ARHGAP32: variants seen among roughly 807,000 people sequenced by gnomAD.
The protein encoded by ARHGAP32 is Rho GTPase activating protein 32.
A neutral mutation model predicts 186.5 loss-of-function variants in ARHGAP32; 51 were observed. That is an observed-to-expected ratio of 0.27 (90% CI 0.22 to 0.35). The LOEUF is 0.35. ARHGAP32 is among the 10% of genes least tolerant of loss of function. The pLI, the probability that ARHGAP32 is intolerant of heterozygous loss-of-function variation, is 1.00. For missense variants in ARHGAP32, 2,186 were observed against 2,623.5 expected, an observed-to-expected ratio of 0.83 and a Z score of 3.64; for synonymous variants, 950 against 964.3, an observed-to-expected ratio of 0.99 and a Z score of 0.27.
At chr11:129,071,815 G>A (rs7949457) in intron 6 of ARHGAP32, among the ~76,000 whole-genome samples, 41,190 of 152,056 alleles carry the variant, frequency 0.27, 6,082 homozygotes, top group Middle Eastern at 0.4. Flanking sequence ...ATCAACTTAA[G>A]TGTCCATCAC....
intron 1 of ARHGAP32, among the ~76,000 whole-genome samples, chr11:129,252,451 C>T (rs1945198026): frequency 1.3e-5 from 2 of 152,192 alleles, no homozygotes; most frequent in Admixed American, 6.5e-5. Flanking sequence ...AAGATATTTA[C>T]TGAACTGGGC....
chr11:129,193,883 G>T (rs965548968), upstream of ARHGAP32, among the ~76,000 whole-genome samples: 5 of 147,710 alleles, frequency 3.4e-5, no homozygotes, highest in South Asian at 2.1e-4. Context: ...ATCACAAAGG[G>T]TTAATTTATT....
In ARHGAP32 at chr11:129,124,796, T is replaced by C; in HGVS notation, c.317+7A>G. 6.3e-7 allele frequency: 1 copy of C among 1,581,552 alleles called. No homozygotes were observed. Among genetic ancestry groups the C allele is most frequent in the Non-Finnish European group, 8.6e-7 (1 of 1,159,462 alleles). On this transcript the variant is annotated splice_region_variant and intron_variant, in intron 3 of 22. Transcript: ENST00000682385. ...TCATTTAGAATCCACTGTAAAGTTA[T>C]ACTCACTTTTTCACATGCTTAACCT...
At chr11:129,002,431 A>G (rs973086110) in intron 11 of ARHGAP32, among the ~76,000 whole-genome samples, 5 of 152,064 alleles carry the variant, frequency 3.3e-5, no homozygotes, top group African/African-American at 1.2e-4. Context: ...TGATTTTTTC[A>G]TGTTAATTTT....
chr11:129,012,905 G>A (rs1480898892), intron 11 of ARHGAP32, among the ~76,000 whole-genome samples: 1 of 152,112 alleles, frequency 6.6e-6, no homozygotes. Flanking sequence ...ACAATTCAGT[G>A]GTAAGTCAAC....
Position 129,188,037 on chromosome 11 carries a change from T to A in ARHGAP32, c.116+4046A>T, listed in dbSNP as rs557856764. 3.0e-3 allele frequency among the ~76,000 whole-genome samples: 455 copies of A among 152,116 alleles called. 8 individuals carry two copies. The highest frequency in any genetic ancestry group is 0.011 in the African/African-American group (436 of 41,506). On this transcript the variant is annotated intron_variant, in intron 1 of 22. Coordinates refer to ENST00000682385, the MANE Select transcript of ARHGAP32 (RefSeq NM_001378024.1). ...GTGCCGTAATCTCAGCTCACTGCAA[T>A]CTCTACCTCCCAGGTTCAAGCAATT...
chr11:129,239,445 G>C (rs1444698296), intron 1 of ARHGAP32, among the ~76,000 whole-genome samples: 1 of 152,126 alleles, frequency 6.6e-6, no homozygotes, highest in Non-Finnish European at 1.5e-5. Flanking sequence ...CAGAATGACA[G>C]AGCCAGGAGC....
At chr11:129,027,939 C>A (rs1478546017) in intron 11 of ARHGAP32, among the ~76,000 whole-genome samples, 1 of 152,116 alleles carries the variant, frequency 6.6e-6, no homozygotes, top group African/African-American at 2.4e-5. Flanking sequence ...GAATGAATAT[C>A]GGAAATGGCC....
chr11:129,039,292 T>C (rs906700222), intron 11 of ARHGAP32, among the ~76,000 whole-genome samples: 1 of 152,176 alleles, frequency 6.6e-6, no homozygotes, highest in Admixed American at 6.5e-5. Context: ...TACATGAATA[T>C]TCAGAGAAGC....
chr11:129,188,815 A>T (rs1297066642), intron 1 of ARHGAP32, among the ~76,000 whole-genome samples: 2 of 152,232 alleles, frequency 1.3e-5, no homozygotes, highest in African/African-American at 4.8e-5. Flanking sequence ...CGATCTGGGC[A>T]TCTACAGATC....
intron 1 of ARHGAP32, among the ~76,000 whole-genome samples, chr11:129,173,847 T>C (rs688576): frequency 0.068 from 10,302 of 152,110 alleles, 410 homozygotes; most frequent in Middle Eastern, 0.078. Context: ...AAATCAAGAA[T>C]GTTGTCTTCT....
At chr11:129,111,383 G>A (rs867977949) in intron 5 of ARHGAP32, among the ~76,000 whole-genome samples, 3 of 151,992 alleles carry the variant, frequency 2.0e-5, no homozygotes, top group Admixed American at 6.6e-5. Context: ...TGTAGTTTTC[G>A]GATTTTGGTG....
chr11:129,163,403 C>T (rs184302547), intron 2 of ARHGAP32, among the ~76,000 whole-genome samples: 256 of 152,182 alleles, frequency 1.7e-3, no homozygotes, highest in Non-Finnish European at 1.4e-3. Context: ...AAATGTATTA[C>T]GTGAAAAACT....
At chr11:129,240,826 T>G (rs906305418) in intron 1 of ARHGAP32, among the ~76,000 whole-genome samples, 1 of 152,120 alleles carries the variant, frequency 6.6e-6, no homozygotes, top group Non-Finnish European at 1.5e-5. Flanking sequence ...TTGAAAAAAA[T>G]TTTGAGTCTG....
intron 5 of ARHGAP32, among the ~76,000 whole-genome samples, chr11:129,108,912 G>A (rs139919233): frequency 1.4e-4 from 21 of 152,202 alleles, no homozygotes; most frequent in African/African-American, 2.9e-4. Context: ...CCATTTTTAT[G>A]TACTGGAAAC....
chr11:128,969,383 A>G lies in ARHGAP32; in HGVS notation c.5830T>C (p.Ser1944Pro), dbSNP rs1421094096. ...TTCAGTCTTAAAGATTCTTGCCCGG[A>G]TGCAGCATATTTTACTCCAGAGTTG... ...YHNSGVKYAA[S>P]GQESLRLNHK... Residue 1944 changes from serine to proline, a missense_variant, in exon 23 of 23, where the codon TCC (serine) becomes CCC (proline). By Grantham distance (74) the Ser-to-Pro change is moderately conservative (BLOSUM62 -1). This residue lies in a region of ARHGAP32 where 1,502 missense variants were observed against 1,570.0 expected (regional missense o/e 0.96). Transcript: ENST00000682385. This position sits in a 1 kb window ranked among gnomAD's most constrained non-coding sequence, Gnocchi z 4.8. 6.2e-7 allele frequency: 1 copy of G among 1,614,164 alleles called. No individual in the cohort carries two copies. Among genetic ancestry groups the G allele is most frequent in the South Asian group, 1.1e-5 (1 of 91,082 alleles).
chr11:129,205,547 G>C (rs1003345452), intron 1 of ARHGAP32, among the ~76,000 whole-genome samples: 6 of 152,026 alleles, frequency 3.9e-5, no homozygotes, highest in African/African-American at 1.4e-4. Flanking sequence ...ATGTGAACTT[G>C]CACAAGTCAC....
chr11:129,123,586 G>T lies in ARHGAP32; in HGVS notation c.360-56C>A. On this transcript the variant is annotated intron_variant, in intron 4 of 22. Transcript: ENST00000682385. The surrounding 1 kb of genome is among the most constrained non-coding windows in gnomAD (Gnocchi z 4.6). ...ATAGTGAAACAGTAAAAATTACTAA[G>T]TTTAAGGGAAAAATACAGTGGATTT... 1.3e-6 allele frequency: 2 copies of T among 1,492,752 alleles called. No homozygotes were observed. Among genetic ancestry groups the T allele is most frequent in the South Asian group, 1.2e-5 (1 of 85,540 alleles). 92.5% of individuals were successfully genotyped at this position (1,492,752 alleles called of 1,614,324 possible).
intron 2 of ARHGAP32, among the ~76,000 whole-genome samples, chr11:129,157,676 A>G (rs1345450841): frequency 6.6e-6 from 1 of 152,180 alleles, no homozygotes; most frequent in East Asian, 1.9e-4. Context: ...ATCCAGGAGA[A>G]CTTCCCCAAC....
Sources: allele counts gnomAD v4.1 joint callset (sites outside exome capture counted in the v4.1 genomes callset), GRCh38; gene constraint gnomAD v4.1.1; regional missense constraint gnomAD v4.1.1; non-coding constraint Gnocchi (gnomAD v3.1); transcripts MANE v1.5; gene names NCBI Gene and HGNC (gene_info 2026-07-23, HGNC 2026-07-21).